Variants in CCDC66 observed in about 807,000 individuals in gnomAD.
The protein encoded by CCDC66 is coiled-coil domain-containing protein 66.
Under a neutral mutation model 128.3 loss-of-function variants are expected in CCDC66, and 133 were observed. The ratio of observed to expected loss-of-function variants is 1.04; its 90% CI spans 0.90 to 1.20. The LOEUF is 1.20. Among genes scored for constraint, CCDC66 ranks in the 50% most tolerant of loss-of-function variants. The pLI is 0.00. For missense variants in CCDC66, 1,126 were observed against 1,075.5 expected, an observed-to-expected ratio of 1.05 and a Z score of -0.66; for synonymous variants, 387 against 357.0, an observed-to-expected ratio of 1.08 and a Z score of -0.95.
At chr3:56,620,560 C>T (rs555769579) in intron 17 of CCDC66, 1 of 152,202 alleles carries the variant, frequency 6.6e-6, no homozygotes, top group South Asian at 2.1e-4. Context: ...TGTACCAATA[C>T]CCTCTGCATT....
At position 56,617,285 on chromosome 3, in the gene CCDC66, GA is replaced by G. The variant is rs1177997701; in HGVS notation, c.2021del (p.Asn674ThrfsTer14). On this transcript the variant is annotated frameshift_variant, in exon 14 of 18. Coordinates refer to ENST00000394672, the MANE Select transcript of CCDC66 (RefSeq NM_001141947.3). LOFTEE classifies it high-confidence loss of function. ...TQDKGASLEKENNRCNDQCNQ... is the reference protein window; with the variant it reads ...TQDKGASLEKXNNRCNDQCNQ... ...GGATAAAGGAGCCAGCTTAGAAAAAGAAAACAATCGGTGTAATGACCAGTGT... is the reference window on the plus strand; with the variant it reads ...GGATAAAGGAGCCAGCTTAGAAAAAGAAACAATCGGTGTAATGACCAGTGT... 1 of 1,613,246 alleles carries G rather than the reference GA, an allele frequency of 6.2e-7. No homozygotes were observed. Among genetic ancestry groups the G allele is most frequent in the Non-Finnish European group, 8.5e-7 (1 of 1,179,830 alleles).
At chr3:56,566,353 G>A (rs149198996) in intron 4 of CCDC66, among the ~76,000 whole-genome samples, 3 of 152,222 alleles carry the variant, frequency 2.0e-5, no homozygotes, top group Admixed American at 6.5e-5. Context: ...TCGAACTCCT[G>A]AGCTTAAGCA....
At chr3:56,586,766 G>T (rs546052818) in intron 7 of CCDC66, among the ~76,000 whole-genome samples, 2 of 151,784 alleles carry the variant, frequency 1.3e-5, no homozygotes, top group Non-Finnish European at 2.9e-5. Flanking sequence ...AAAATTATGG[G>T]CTGGATACAG....
rs1224647368 is a variant in CCDC66 at position 56,619,821 on chromosome 3, G to A, written c.2680G>A (p.Asp894Asn). 6.2e-7 allele frequency: 1 copy of A among 1,613,960 alleles called. No individual in the cohort carries two copies. The highest frequency in any genetic ancestry group is 1.3e-5 in the African/African-American group (1 of 74,892). The stretch of plus-strand genomic sequence containing the variant: ...GCTATTTGATTCTGACTGTGTCAGG[G>A]ATCCACTTCTTAATCCTAACATGGT... ...RQLFDSDCVR[D>N]PLLNPNMVKN... The change falls in exon 17 of 18, where the codon GAT becomes AAT. Residue 894 changes from aspartate (D) to asparagine (N), a missense_variant. By Grantham distance (23) the Asp-to-Asn change is conservative. Coordinates refer to ENST00000394672, the MANE Select transcript of CCDC66 (RefSeq NM_001141947.3).
At chr3:56,597,963 A>G (rs2072404598) in intron 10 of CCDC66, among the ~76,000 whole-genome samples, 4 of 150,282 alleles carry the variant, frequency 2.7e-5, no homozygotes, top group Admixed American at 2.0e-4. Flanking sequence ...TTTAGTAGAG[A>G]TGGGGTTTCG....
rs1487421473 is a variant in CCDC66, at chr3:56,604,524, CT to C, written c.1405-9062del. On this transcript the variant is annotated intron_variant, in intron 10 of 17. Transcript: ENST00000394672. ...TTGTCTATAAAGGATTTTATTTCTCCTTTGCTTATGAAACTGAGTTTGGCTG... is the reference window on the plus strand; with the variant it reads ...TTGTCTATAAAGGATTTTATTTCTCCTTGCTTATGAAACTGAGTTTGGCTG... 2.6e-5 allele frequency among the ~76,000 whole-genome samples: 4 copies of C among 151,740 alleles called. No homozygotes were observed. The East Asian group carries it at 7.7e-4, about 29-fold the overall frequency.
intron 7 of CCDC66, chr3:56,572,230 A>C: frequency 3.9e-6 from 2 of 512,460 alleles, no homozygotes; most frequent in Non-Finnish European, 6.9e-6. Flanking sequence ...ACATATGCCA[A>C]GTGTGTCTTG....
intron 7 of CCDC66, chr3:56,572,453 G>A (rs2066766289): frequency 8.6e-7 from 1 of 1,157,678 alleles, no homozygotes; most frequent in Admixed American, 2.7e-5. Context: ...TCAGTACTTT[G>A]GATATTTAAA....
At chr3:56,598,150 T>TTTG (rs2072463375) in intron 10 of CCDC66, among the ~76,000 whole-genome samples, 2 of 109,114 alleles carry the variant, frequency 1.8e-5, no homozygotes, top group African/African-American at 5.6e-5. Flanking sequence ...TTTTGTTTTG[T>TTTG]TTTGTTTGTT....
At chr3:56,614,905 A>G (rs959108029) in intron 11 of CCDC66, among the ~76,000 whole-genome samples, 3 of 152,218 alleles carry the variant, frequency 2.0e-5, no homozygotes, top group Non-Finnish European at 4.4e-5. Context: ...TAAATTTGAA[A>G]TGGGTAAAAA....
chr3:56,596,481 C>T lies in CCDC66; in HGVS notation c.1404+2453C>T, dbSNP rs560640376. On this transcript the variant is annotated intron_variant, in intron 10 of 17. Coordinates refer to ENST00000394672, the MANE Select transcript of CCDC66 (RefSeq NM_001141947.3). The stretch of plus-strand genomic sequence containing the variant: ...AGCCCTTTGTTGGATGAATAGTTTG[C>T]AGATATTCAAACTACTGAATATGCA... Among the ~76,000 whole-genome samples, 38 of 141,934 alleles carry T rather than the reference C, an allele frequency of 2.7e-4. No individual in the cohort carries two copies. The Middle Eastern group carries it at 0.012, about 44-fold the overall frequency. The allele number at this position is 141,934 out of a possible 152,430, so 93.1% of individuals were successfully genotyped here.
intron 10 of CCDC66, among the ~76,000 whole-genome samples, chr3:56,597,773 TG>T (rs1309719796): frequency 1.2e-5 from 1 of 86,786 alleles, no homozygotes; most frequent in Non-Finnish European, 2.3e-5. Flanking sequence ...GGTTTTGTTT[TG>T]GGGTTTTTTT....
At chr3:56,572,572 C>CCTTCATTTCTTTTTTACATTTAT in intron 7 of CCDC66, 2 of 105,510 alleles carry the variant, frequency 1.9e-5, no homozygotes, top group Non-Finnish European at 3.4e-5. Context: ...GCTTCATTTG[C>CCTTCATTTCTTTTTTACATTTAT]TATCCCTTCC....
intron 10 of CCDC66, among the ~76,000 whole-genome samples, chr3:56,596,114 T>C (rs1460618704): frequency 6.6e-6 from 1 of 152,198 alleles, no homozygotes; most frequent in Non-Finnish European, 1.5e-5. Context: ...AGACACAGTC[T>C]CACTATGTTG....
chr3:56,617,750 C>A, intron 14 of CCDC66, 145 bp downstream of exon 14: 2 of 990,232 alleles, frequency 2.0e-6, no homozygotes, highest in Non-Finnish European at 2.9e-6. Context: ...CAAATCCAGG[C>A]TGCTGCCTGT....
At chr3:56,602,722 G>A (rs978836838) in intron 10 of CCDC66, among the ~76,000 whole-genome samples, 2 of 151,704 alleles carry the variant, frequency 1.3e-5, no homozygotes, top group African/African-American at 4.9e-5. Flanking sequence ...TATGTGTCCA[G>A]GAATTTATCC....
Position 56,619,465 on chromosome 3 carries a change from T to C in CCDC66, c.2573T>C (p.Leu858Pro). The change falls in exon 16 of 18, where the codon CTT (leucine) becomes CCT (proline). Residue 858 changes from leucine to proline, a missense_variant. Physicochemically the swap from Leu to Pro is moderately conservative, Grantham distance 98 (BLOSUM62 -3). Coordinates refer to ENST00000394672, the MANE Select transcript of CCDC66 (RefSeq NM_001141947.3). ...GTTCGAACAAATGAGATCTATTACC[T>C]TGATCCCGATGCACCATTGTCTGGG... is the stretch of plus-strand genomic sequence containing the variant. ...PYVRTNEIYY[L>P]DPDAPLSGPS... The C allele has an allele frequency of 6.2e-7, 1 of 1,614,102 alleles. No homozygotes were observed. Among genetic ancestry groups the C allele is most frequent in the Non-Finnish European group, 8.5e-7 (1 of 1,179,984 alleles).
At chr3:56,591,331 T>C (rs1434222989) in intron 7 of CCDC66, among the ~76,000 whole-genome samples, 1 of 152,178 alleles carries the variant, frequency 6.6e-6, no homozygotes, top group East Asian at 1.9e-4. Context: ...CCCTGAATAA[T>C]TTGCAATGCC....
intron 6 of CCDC66, chr3:56,570,723 G>C (rs1461898914): frequency 9.0e-5 from 1 of 11,156 alleles, no homozygotes; most frequent in African/African-American, 1.8e-4. Flanking sequence ...ACTCCAGGCT[G>C]CTGACAGAAT....
Sources: allele counts gnomAD v4.1 joint callset (sites outside exome capture counted in the v4.1 genomes callset), GRCh38; gene constraint gnomAD v4.1.1; transcripts MANE v1.5; gene names NCBI Gene and HGNC (gene_info 2026-07-23, HGNC 2026-07-21).